CAST: variants seen among roughly 807,000 people sequenced by gnomAD.
The protein encoded by CAST is calpastatin.
Under a neutral mutation model 119.6 loss-of-function variants are expected in CAST, and 76 were observed. The ratio of observed to expected loss-of-function variants is 0.64; its 90% confidence interval spans 0.53 to 0.77. The LOEUF (loss-of-function observed/expected upper bound fraction) is 0.77, where lower values mean the gene tolerates loss of function less well. CAST is among the 30% of genes least tolerant of loss of function. CAST has a pLI of 0.00. For synonymous variants in CAST, 319 were observed against 331.6 expected (o/e 0.96, Z 0.41); for missense variants, 953 against 946.5 (o/e 1.01, Z -0.09).
At chr5:96,103,299 T>C in the CAST span, among the ~76,000 whole-genome samples, 3 of 150,542 alleles carry the variant, frequency 2.0e-5, no homozygotes, top group Non-Finnish European at 3.0e-5. Flanking sequence ...GCTGCACCCA[T>C]TAACTCGTCA....
At chr5:96,736,536 AG>A (rs758657430) in intron 10 of CAST, among the ~76,000 whole-genome samples, 20 of 152,292 alleles carry the variant, frequency 1.3e-4, no homozygotes, top group Non-Finnish European at 2.5e-4. Flanking sequence ...ATTTAACCAG[AG>A]GTATTACTAA....
At chr5:96,345,342 A>G in the CAST span, among the ~76,000 whole-genome samples, 6 of 152,114 alleles carry the variant, frequency 3.9e-5, no homozygotes, top group East Asian at 9.6e-4. Context: ...GTTGGATGAT[A>G]CACTATTTTA....
the CAST span, among the ~76,000 whole-genome samples, chr5:95,964,258 G>A: frequency 1.1e-3 from 175 of 152,274 alleles, no homozygotes; most frequent in African/African-American, 4.0e-3. Flanking sequence ...AAGTTATGAT[G>A]CTGGTTAGGA....
At chr5:96,123,752 C>A in the CAST span, among the ~76,000 whole-genome samples, 1 of 152,256 alleles carries the variant, frequency 6.6e-6, no homozygotes, top group South Asian at 2.1e-4. Flanking sequence ...TACTAATGCA[C>A]CTATGGTTCA....
chr5:96,183,527 T>A, the CAST span, among the ~76,000 whole-genome samples: 2 of 152,198 alleles, frequency 1.3e-5, no homozygotes, highest in African/African-American at 2.4e-5. Context: ...ATTCTAGATC[T>A]ATTACCAATA....
the CAST span, among the ~76,000 whole-genome samples, chr5:96,146,357 C>T: frequency 6.6e-6 from 1 of 152,326 alleles, no homozygotes; most frequent in South Asian, 2.1e-4. Flanking sequence ...GGAAAGGTTG[C>T]CTTAGACCAA....
At chr5:96,638,710 A>G (rs77005642) in intron 1 of CAST, among the ~76,000 whole-genome samples, 3,702 of 152,268 alleles carry the variant, frequency 0.024, 184 homozygotes, top group African/African-American at 0.085. Flanking sequence ...CTCAGCCAAC[A>G]TATTCATGGC....
chr5:96,248,024 T>C, the CAST span: 1 of 152,202 alleles, frequency 6.6e-6, no homozygotes, highest in South Asian at 2.1e-4. Context: ...ACAGGTAATA[T>C]ATTCAGCCAA....
At chr5:96,471,773 T>TGC in the CAST span, among the ~76,000 whole-genome samples, 1 of 131,736 alleles carries the variant, frequency 7.6e-6, no homozygotes, top group East Asian at 2.1e-4. Flanking sequence ...TCTGTGTGTG[T>TGC]GTGTGTGTGT....
At chr5:96,253,155 A>G in the CAST span, among the ~76,000 whole-genome samples, 2 of 152,112 alleles carry the variant, frequency 1.3e-5, no homozygotes, top group African/African-American at 4.8e-5. Flanking sequence ...TTCATCACAA[A>G]GTAGATTTTG....
At chr5:96,258,615 A>G in the CAST span, among the ~76,000 whole-genome samples, 11 of 152,296 alleles carry the variant, frequency 7.2e-5, no homozygotes, top group Admixed American at 7.2e-4. Context: ...TTTCTGGTAC[A>G]TGACACATTA....
At chr5:96,239,721 T>C in the CAST span, among the ~76,000 whole-genome samples, 2 of 152,122 alleles carry the variant, frequency 1.3e-5, no homozygotes, top group Non-Finnish European at 1.5e-5. Flanking sequence ...ATTGGATTTT[T>C]CTTTTTATCA....
chr5:96,718,876 A>C (rs544451382), intron 3 of CAST, among the ~76,000 whole-genome samples: 15 of 152,204 alleles, frequency 9.9e-5, no homozygotes, highest in African/African-American at 3.6e-4. Flanking sequence ...CATGAGGAGA[A>C]AGAATTCTGA....
At position 96,534,749 on chromosome 5, in the gene CAST, GAAAGAA is replaced by G. The variant is rs1463425716; in HGVS notation, c.60+4871_60+4876del. 1.9e-3 allele frequency among the ~76,000 whole-genome samples: 91 copies of G among 47,434 alleles called. 4 individuals are homozygous for G. The highest frequency in any genetic ancestry group is 3.9e-3 in the African/African-American group (44 of 11,174). 31.1% of individuals were successfully genotyped at this position (47,434 alleles called of 152,430 possible). ...AGAGAGAGAGAGAGAGAGAAAGAAA[GAAAGAA>G]AGAAAGAAAGAAAGAAAGAAAGAAA... On this transcript the variant is annotated intron_variant, in intron 1 of 11. Coordinates refer to the CAST transcript ENST00000505143.
chr5:96,541,503 T>A (rs2117145), intron 1 of CAST, among the ~76,000 whole-genome samples: 1 of 151,410 alleles, frequency 6.6e-6, no homozygotes, highest in African/African-American at 2.4e-5. Flanking sequence ...TGAAGGTTTG[T>A]TCTTTATGTT....
At chr5:96,179,872 TA>T in the CAST span, among the ~76,000 whole-genome samples, 3 of 152,034 alleles carry the variant, frequency 2.0e-5, no homozygotes, top group Admixed American at 6.6e-5. Flanking sequence ...TCATCTCTAC[TA>T]AAAATACAAA....
At chr5:96,475,625 T>C in the CAST span, among the ~76,000 whole-genome samples, 4 of 152,232 alleles carry the variant, frequency 2.6e-5, no homozygotes, top group Non-Finnish European at 5.9e-5. Flanking sequence ...AGTATGGGGT[T>C]ACCCTATTAA....
the CAST span, among the ~76,000 whole-genome samples, chr5:96,380,141 G>A: frequency 0.011 from 1,745 of 152,200 alleles, 33 homozygotes; most frequent in African/African-American, 0.04. Context: ...GCATGATTTC[G>A]TAATAATCCT....
the CAST span, among the ~76,000 whole-genome samples, chr5:95,992,657 G>A: frequency 2.0e-5 from 3 of 152,108 alleles, no homozygotes; most frequent in Non-Finnish European, 2.9e-5. Context: ...TGGAAAACTG[G>A]TGAAATCCAA....
Sources: gnomAD v4.1 joint callset for allele counts (sites outside exome capture counted in the v4.1 genomes callset) on GRCh38, gnomAD v4.1.1 for gene constraint, MANE v1.5 for transcripts, NCBI Gene and HGNC (gene_info 2026-07-23, HGNC 2026-07-21) for gene names.